ITFG1: variants seen among roughly 807,000 people sequenced by gnomAD.
ITFG1 encodes the protein T-cell immunomodulatory protein.
ITFG1 carries 34 observed loss-of-function variants against 81.8 expected under a neutral mutation model. That is an observed-to-expected ratio of 0.42 (90% CI 0.32 to 0.55). ITFG1 has a LOEUF of 0.55. ITFG1 is among the 20% of genes least tolerant of loss of function. ITFG1 has a pLI of 0.17. For missense variants in ITFG1, 672 were observed against 755.4 expected, an observed-to-expected ratio of 0.89 and a Z score of 1.29; for synonymous variants, 285 against 270.6, an observed-to-expected ratio of 1.05 and a Z score of -0.52.
chr16:47,429,425 T>G (rs369839228), intron 5 of ITFG1, among the ~76,000 whole-genome samples: 3 of 152,242 alleles, frequency 2.0e-5, no homozygotes, highest in Admixed American at 1.3e-4. Flanking sequence ...TGTGGACATA[T>G]GTCTTTAATT....
intron 14 of ITFG1, among the ~76,000 whole-genome samples, chr16:47,173,827 G>A (rs1189528418): frequency 2.0e-5 from 3 of 152,154 alleles, no homozygotes; most frequent in Non-Finnish European, 4.4e-5. Context: ...GATCACTTGA[G>A]GTCAGGAGTT....
At chr16:47,367,118 AT>A (rs984635568) in intron 7 of ITFG1, among the ~76,000 whole-genome samples, 13 of 152,190 alleles carry the variant, frequency 8.5e-5, no homozygotes, top group Admixed American at 2.0e-4. Context: ...TGGGAAACAT[AT>A]TTACTTAGTT....
At position 47,386,483 on chromosome 16, in the gene ITFG1, C is replaced by T. The variant is rs377140444; in HGVS notation, c.656-10543G>A. Among the ~76,000 whole-genome samples, 66 of 152,280 alleles carry T rather than the reference C, an allele frequency of 4.3e-4. No homozygotes were observed. The South Asian group carries it at 0.013, about 30-fold the overall frequency. ...TGCTATATGCTGTAGAGGCTAAATTCCAAGAGTGTGAGGTCAAGAGGCTGG... is the reference window on the plus strand; with the variant it reads ...TGCTATATGCTGTAGAGGCTAAATTTCAAGAGTGTGAGGTCAAGAGGCTGG... On this transcript the variant is annotated intron_variant, in intron 6 of 17. Transcript: ENST00000320640.
chr16:47,364,009 T>C (rs531710365), intron 8 of ITFG1, among the ~76,000 whole-genome samples: 127 of 152,294 alleles, frequency 8.3e-4, no homozygotes, highest in African/African-American at 2.9e-3. Context: ...TCAAAGGAAG[T>C]AGGTGGAAAG....
chr16:47,423,150 T>C (rs1968972492), intron 6 of ITFG1, among the ~76,000 whole-genome samples: 1 of 152,362 alleles, frequency 6.6e-6, no homozygotes, highest in South Asian at 2.1e-4. Context: ...GCTCTTCTTG[T>C]TGAATTGATC....
chr16:47,320,007 C>T (rs1436060040), intron 8 of ITFG1, among the ~76,000 whole-genome samples: 6 of 152,144 alleles, frequency 3.9e-5, no homozygotes, highest in East Asian at 1.9e-4. Flanking sequence ...CTGCAACTTT[C>T]GCCTCCTGTG....
chr16:47,411,813 C>T (rs1968814692), intron 6 of ITFG1, among the ~76,000 whole-genome samples: 1 of 152,158 alleles, frequency 6.6e-6, no homozygotes, highest in Non-Finnish European at 1.5e-5. Flanking sequence ...CCTAGTCTCC[C>T]CAATCACAGA....
intron 10 of ITFG1, among the ~76,000 whole-genome samples, chr16:47,269,099 T>G (rs2151545338): frequency 6.6e-6 from 1 of 152,296 alleles, no homozygotes; most frequent in Non-Finnish European, 1.5e-5. Context: ...GTCCCTGTTC[T>G]TACAAGGCAA....
chr16:47,460,260 G>T (rs1030340041), intron 1 of ITFG1, among the ~76,000 whole-genome samples: 1 of 152,196 alleles, frequency 6.6e-6, no homozygotes, highest in Non-Finnish European at 1.5e-5. Flanking sequence ...CCTGCAAAAT[G>T]CTTGTGTGAG....
intron 13 of ITFG1, among the ~76,000 whole-genome samples, chr16:47,222,474 C>T (rs1232703136): frequency 3.4e-5 from 5 of 147,282 alleles, no homozygotes; most frequent in East Asian, 2.0e-4. Flanking sequence ...AGTGCAGTGG[C>T]GCGATCTCGG....
At position 47,228,148 on chromosome 16, in the gene ITFG1, T is replaced by C. The variant is rs563095644; in HGVS notation, c.1375-9202A>G. On this transcript the variant is annotated intron_variant, in intron 13 of 17. Transcript: ENST00000320640. ...TATCCATATCATCGTTTTTCTATCT[T>C]TGGTACACGAAGCATGATATCACCA... Among the ~76,000 whole-genome samples, 36 of 152,270 alleles carry C rather than the reference T, an allele frequency of 2.4e-4. No homozygotes were observed. In the South Asian group the frequency reaches 6.4e-3, roughly 27 times the overall value.
At chr16:47,211,208 G>A (rs1450554832) in intron 14 of ITFG1, among the ~76,000 whole-genome samples, 2 of 152,110 alleles carry the variant, frequency 1.3e-5, no homozygotes, top group African/African-American at 2.4e-5. Context: ...CACTGGCATT[G>A]CGTAGTTTTC....
At chr16:47,345,745 A>G (rs1967845137) in intron 8 of ITFG1, among the ~76,000 whole-genome samples, 1 of 152,236 alleles carries the variant, frequency 6.6e-6, no homozygotes, top group Non-Finnish European at 1.5e-5. Flanking sequence ...GTGTGTCTAA[A>G]GATATGTAAA....
At chr16:47,181,507 G>A (rs1181483682) in intron 14 of ITFG1, among the ~76,000 whole-genome samples, 11 of 143,700 alleles carry the variant, frequency 7.7e-5, no homozygotes, top group African/African-American at 2.8e-4. Flanking sequence ...GAGGTGGGGG[G>A]GTCAGCCCCC....
chr16:47,447,136 G>A (rs1400529080), intron 5 of ITFG1, among the ~76,000 whole-genome samples: 1 of 152,060 alleles, frequency 6.6e-6, no homozygotes, highest in Non-Finnish European at 1.5e-5. Context: ...CCAAAGTGTT[G>A]GGATTACTGG....
rs760164428 is a variant in ITFG1 at position 47,260,701 on chromosome 16, C to T, written c.1071-6G>A. ...GTAAAAAGGCCTGCTGGTTGCTGTGCGCCAAAGGAAAGGCATTTCGTTAAT... is the reference window on the plus strand; with the variant it reads ...GTAAAAAGGCCTGCTGGTTGCTGTGTGCCAAAGGAAAGGCATTTCGTTAAT... On this transcript the variant is annotated splice_region_variant and splice_polypyrimidine_tract_variant and intron_variant, in intron 10 of 17. Coordinates refer to ENST00000320640, the MANE Select transcript of ITFG1 (RefSeq NM_030790.5). The T allele has an allele frequency of 2.6e-5, 42 of 1,613,940 alleles. No individual in the cohort carries two copies. The highest frequency in any genetic ancestry group is 3.3e-5 in the South Asian group (3 of 91,076).
chr16:47,413,246 T>C (rs373964900), intron 6 of ITFG1, among the ~76,000 whole-genome samples: 1 of 152,212 alleles, frequency 6.6e-6, no homozygotes, highest in Non-Finnish European at 1.5e-5. Flanking sequence ...GAATTTGATA[T>C]TCTGCCAAAC....
chr16:47,232,023 G>T (rs184877095), intron 13 of ITFG1, among the ~76,000 whole-genome samples: 3 of 152,220 alleles, frequency 2.0e-5, no homozygotes, highest in South Asian at 2.1e-4. Flanking sequence ...GGGTATGGAG[G>T]AAAGGGCCAT....
chr16:47,455,577 T>C (rs1969441114), intron 2 of ITFG1, among the ~76,000 whole-genome samples: 1 of 151,850 alleles, frequency 6.6e-6, no homozygotes, highest in Admixed American at 6.6e-5. Context: ...GAGACCAGCC[T>C]GGCCAACATT....
Sources: allele counts gnomAD v4.1 joint callset (sites outside exome capture counted in the v4.1 genomes callset), GRCh38; gene constraint gnomAD v4.1.1; transcripts MANE v1.5; gene names NCBI Gene and HGNC (gene_info 2026-07-23, HGNC 2026-07-21).